Variants in CDH8 observed in about 807,000 individuals in gnomAD.
CDH8 encodes the protein cadherin-8.
A neutral mutation model predicts 68.1 loss-of-function variants in CDH8; 17 were observed. That is an observed-to-expected ratio of 0.25 (90% CI 0.17 to 0.37). CDH8 has a LOEUF of 0.37. CDH8 is among the 10% of genes least tolerant of loss of function. CDH8 has a pLI of 1.00. For synonymous variants in CDH8, 372 were observed against 365.1 expected (o/e 1.02, Z -0.21); for missense variants, 763 against 999.3 (o/e 0.76, Z 3.19).
chr16:61,747,092 A>G (rs1196495834), intron 8 of CDH8, among the ~76,000 whole-genome samples: 1 of 152,126 alleles, frequency 6.6e-6, no homozygotes, highest in Non-Finnish European at 1.5e-5. Flanking sequence ...GTAAACATAG[A>G]TCACAGTTAC....
chr16:61,964,128 TC>T (rs1965205546), intron 2 of CDH8, among the ~76,000 whole-genome samples: 2 of 152,230 alleles, frequency 1.3e-5, no homozygotes, highest in African/African-American at 2.4e-5. Context: ...CTTAAAAGGT[TC>T]CTATGGAATG....
chr16:61,982,277 T>C (rs575260788), intron 2 of CDH8, among the ~76,000 whole-genome samples: 2 of 152,284 alleles, frequency 1.3e-5, no homozygotes, highest in East Asian at 1.9e-4. Flanking sequence ...TGGAGTGCAG[T>C]GGCGCGATCT....
intron 2 of CDH8, among the ~76,000 whole-genome samples, chr16:61,920,650 T>C (rs1964347133): frequency 2.8e-5 from 1 of 35,588 alleles, no homozygotes; most frequent in Non-Finnish European, 5.8e-5. Context: ...TTTTACACTG[T>C]TGGTGGGACT....
chr16:61,713,544 A>G (rs940903223), intron 10 of CDH8, among the ~76,000 whole-genome samples: 3 of 151,650 alleles, frequency 2.0e-5, no homozygotes, highest in African/African-American at 7.2e-5. Context: ...CAGAATCTCA[A>G]AATACCTGGA....
intron 2 of CDH8, among the ~76,000 whole-genome samples, chr16:61,913,092 T>C (rs1964186821): frequency 6.6e-6 from 1 of 152,170 alleles, no homozygotes; most frequent in South Asian, 2.1e-4. Flanking sequence ...TTTCAGATTT[T>C]GGATTTTTAG....
At position 61,987,429 on chromosome 16, in the gene CDH8, C is replaced by T. The variant is rs143790486; in HGVS notation, c.252+33723G>A. On this transcript the variant is annotated intron_variant, in intron 2 of 11. Transcript: ENST00000577390. ...GGCTGAGGCAGGAGAATCACTTGAA[C>T]CTGCGAGGCAGAGGTTGCAGTGAGC... Among the ~76,000 whole-genome samples, 563 of 152,264 alleles carry T rather than the reference C, an allele frequency of 3.7e-3. 1 individual carries two copies. The highest frequency in any genetic ancestry group is 0.013 in the African/African-American group (532 of 41,570).
intron 2 of CDH8, among the ~76,000 whole-genome samples, chr16:61,947,635 C>T (rs971923364): frequency 7.2e-5 from 11 of 152,136 alleles, no homozygotes; most frequent in African/African-American, 2.2e-4. Context: ...TAACACATTC[C>T]TTTTCAGACT....
At chr16:61,782,356 A>G (rs537503748) in intron 8 of CDH8, among the ~76,000 whole-genome samples, 1 of 151,274 alleles carries the variant, frequency 6.6e-6, no homozygotes, top group African/African-American at 2.4e-5. Flanking sequence ...GGGTCACTCC[A>G]ACCCGAATAT....
Position 61,647,871 on chromosome 16 carries a change from G to C in CDH8, c.*5737C>G. 1 of 699,180 alleles carries C rather than the reference G, an allele frequency of 1.4e-6. No homozygotes were observed. Among genetic ancestry groups the C allele is most frequent in the Non-Finnish European group, 2.6e-6 (1 of 382,586 alleles). 43.3% of individuals were successfully genotyped at this position (699,180 alleles called of 1,614,324 possible). A position where few individuals can be genotyped will look rare whatever the true frequency, so the allele number is the denominator to read the frequency against. ...ACAGCATCTTGTGATATTCCTCCTA[G>C]CAACCCTCTTCTGTAATCTGTGGAT... On this transcript the variant is annotated 3_prime_UTR_variant, in exon 12 of 12. Coordinates refer to ENST00000577390, the MANE Select transcript of CDH8 (RefSeq NM_001796.5).
At chr16:61,664,961 A>G (rs1457922951) in intron 10 of CDH8, among the ~76,000 whole-genome samples, 1 of 152,068 alleles carries the variant, frequency 6.6e-6, no homozygotes, top group Non-Finnish European at 1.5e-5. Flanking sequence ...AATATAACAT[A>G]TCATTTTTCT....
At chr16:61,762,887 C>T (rs1288322716) in intron 8 of CDH8, among the ~76,000 whole-genome samples, 1 of 152,100 alleles carries the variant, frequency 6.6e-6, no homozygotes, top group East Asian at 1.9e-4. Flanking sequence ...TGTGTTTTAA[C>T]AAGATCACCA....
chr16:62,026,713 G>T (rs1233354471), intron 1 of CDH8, among the ~76,000 whole-genome samples: 1 of 152,212 alleles, frequency 6.6e-6, no homozygotes, highest in Admixed American at 6.5e-5. Flanking sequence ...ACAGGCACAT[G>T]CATGCTATCA....
chr16:61,809,385 T>A lies in CDH8; in HGVS notation c.1277+8094A>T, dbSNP rs540267672. ...TCACTCATAAGTGGGAGTTGAACAA[T>A]GAGAACACATGGACACAGGGAGGAC... On this transcript the variant is annotated intron_variant, in intron 7 of 11. Transcript: ENST00000577390. Among the ~76,000 whole-genome samples, 3 of 152,022 alleles carry A rather than the reference T, an allele frequency of 2.0e-5. No homozygotes were observed. The South Asian group carries it at 6.2e-4, about 32-fold the overall frequency.
At chr16:61,964,672 G>A (rs992569150) in intron 2 of CDH8, among the ~76,000 whole-genome samples, 3 of 151,938 alleles carry the variant, frequency 2.0e-5, no homozygotes, top group Admixed American at 1.3e-4. Flanking sequence ...TCTGGGCCTC[G>A]GTCTGCCCTG....
At chr16:61,677,484 A>G (rs1488819929) in intron 10 of CDH8, among the ~76,000 whole-genome samples, 4 of 152,020 alleles carry the variant, frequency 2.6e-5, no homozygotes, top group East Asian at 3.9e-4. Context: ...CTCTGGCCCT[A>G]CTAGGACTGG....
intron 8 of CDH8, among the ~76,000 whole-genome samples, chr16:61,787,633 C>T (rs1370533930): frequency 7.1e-6 from 1 of 141,372 alleles, no homozygotes; most frequent in African/African-American, 2.8e-5. Flanking sequence ...TATAAAGACA[C>T]ATGCACACGT....
intron 2 of CDH8, among the ~76,000 whole-genome samples, chr16:61,903,396 T>C (rs1964011787): frequency 6.6e-6 from 1 of 152,198 alleles, no homozygotes; most frequent in African/African-American, 2.4e-5. Context: ...CGATCTCAGC[T>C]CATTGCAAGC....
intron 6 of CDH8, 109 bp from the exon 7 acceptor site, chr16:61,817,841 G>A: frequency 1.9e-6 from 2 of 1,040,844 alleles, no homozygotes; most frequent in Admixed American, 2.7e-5. Flanking sequence ...ACCCATTTGT[G>A]AGCCTTAATG....
At chr16:61,927,211 A>G (rs1157552970) in intron 2 of CDH8, among the ~76,000 whole-genome samples, 2 of 152,192 alleles carry the variant, frequency 1.3e-5, no homozygotes, top group Non-Finnish European at 2.9e-5. Flanking sequence ...TTCAGTTTCT[A>G]TATTGCTACA....
Sources: allele counts gnomAD v4.1 joint callset (sites outside exome capture counted in the v4.1 genomes callset), GRCh38; gene constraint gnomAD v4.1.1; transcripts MANE v1.5; gene names NCBI Gene and HGNC (gene_info 2026-07-23, HGNC 2026-07-21).